ENTREP2: variants seen among roughly 807,000 people sequenced by gnomAD.
ENTREP2 encodes the protein protein ENTREP2.
chr15:29,508,331 C>T, the ENTREP2 span, among the ~76,000 whole-genome samples: 6 of 152,198 alleles, frequency 3.9e-5, no homozygotes, highest in African/African-American at 1.2e-4. Context: ...CAAAGAGGAG[C>T]TGGTACTGTT....
the ENTREP2 span, chr15:29,235,197 A>C: frequency 1.5e-6 from 1 of 647,510 alleles, no homozygotes; most frequent in Non-Finnish European, 2.8e-6. Flanking sequence ...AAGTGTCATA[A>C]AACAGATAGT....
the ENTREP2 span, among the ~76,000 whole-genome samples, chr15:29,174,416 C>T: frequency 3.3e-5 from 5 of 152,294 alleles, no homozygotes; most frequent in South Asian, 4.1e-4. Context: ...CGGCCAGGCA[C>T]GGTGGCTCAC....
At chr15:29,513,947 A>G in the ENTREP2 span, among the ~76,000 whole-genome samples, 4 of 152,224 alleles carry the variant, frequency 2.6e-5, no homozygotes, top group Non-Finnish European at 5.9e-5. Context: ...TCTACATTCT[A>G]GAGGGGAGAG....
the ENTREP2 span, chr15:29,235,184 T>G: frequency 3.0e-6 from 2 of 675,782 alleles, no homozygotes; most frequent in Middle Eastern, 4.0e-4. Flanking sequence ...CTGAATCTTT[T>G]CAAAGTGTCA....
At chr15:29,258,908 T>C in the ENTREP2 span, among the ~76,000 whole-genome samples, 3 of 152,226 alleles carry the variant, frequency 2.0e-5, no homozygotes, top group Non-Finnish European at 2.9e-5. Context: ...TATTGTAGCA[T>C]GTGTCAGAAT....
the ENTREP2 span, among the ~76,000 whole-genome samples, chr15:29,454,806 C>T: frequency 6.6e-6 from 1 of 152,198 alleles, no homozygotes; most frequent in Non-Finnish European, 1.5e-5. Flanking sequence ...ACCTGCAAAG[C>T]TGTGCCAAGA....
chr15:29,120,814 C>G, the ENTREP2 span: 2 of 152,292 alleles, frequency 1.3e-5, no homozygotes, highest in African/African-American at 4.8e-5. Flanking sequence ...GGGCTGTGAG[C>G]TGACGTGCAG....
At chr15:29,374,988 A>C in the ENTREP2 span, 1 of 152,064 alleles carries the variant, frequency 6.6e-6, no homozygotes, top group African/African-American at 2.4e-5. Flanking sequence ...TAATAACTGT[A>C]ATCTTTGATT....
the ENTREP2 span, among the ~76,000 whole-genome samples, chr15:29,489,178 A>C: frequency 1.3e-5 from 2 of 152,198 alleles, no homozygotes; most frequent in South Asian, 4.1e-4. Context: ...AAACTGATCA[A>C]AGTTCTGAAT....
At chr15:29,379,931 T>A in the ENTREP2 span, among the ~76,000 whole-genome samples, 4 of 151,988 alleles carry the variant, frequency 2.6e-5, no homozygotes, top group Non-Finnish European at 4.4e-5. Flanking sequence ...AGGAGGCAGC[T>A]GTCCCCATGT....
chr15:29,673,861 G>A, the ENTREP2 span, among the ~76,000 whole-genome samples: 1 of 151,814 alleles, frequency 6.6e-6, no homozygotes, highest in South Asian at 2.1e-4. Flanking sequence ...CTCTTTCACT[G>A]TCATAGTTGT....
the ENTREP2 span, among the ~76,000 whole-genome samples, chr15:29,497,052 T>G: frequency 6.6e-6 from 1 of 152,176 alleles, no homozygotes; most frequent in African/African-American, 2.4e-5. Flanking sequence ...GAGGGTTCCA[T>G]CCTTATCAAT....
the ENTREP2 span, among the ~76,000 whole-genome samples, chr15:29,277,256 C>T: frequency 6.6e-5 from 10 of 151,634 alleles, no homozygotes; most frequent in Admixed American, 3.9e-4. Flanking sequence ...AGGCAGGAAT[C>T]GCTTGAACCC....
chr15:29,271,231 T>C, the ENTREP2 span, among the ~76,000 whole-genome samples: 1 of 152,208 alleles, frequency 6.6e-6, no homozygotes, highest in African/African-American at 2.4e-5. Context: ...AAAACAAATA[T>C]ATTATCAAGG....
chr15:29,575,596 G>T, the ENTREP2 span, among the ~76,000 whole-genome samples: 1 of 152,134 alleles, frequency 6.6e-6, no homozygotes, highest in African/African-American at 2.4e-5. Context: ...GACATGATTT[G>T]ATATATAGAA....
chr15:29,344,335 C>T, the ENTREP2 span, among the ~76,000 whole-genome samples: 2 of 152,212 alleles, frequency 1.3e-5, no homozygotes, highest in Admixed American at 1.3e-4. Context: ...ATAACAAGAG[C>T]TTCATCCTGG....
At chr15:29,379,934 C>T in the ENTREP2 span, among the ~76,000 whole-genome samples, 8 of 151,986 alleles carry the variant, frequency 5.3e-5, no homozygotes, top group Non-Finnish European at 8.8e-5. Flanking sequence ...AGGCAGCTGT[C>T]CCCATGTCAC....
the ENTREP2 span, among the ~76,000 whole-genome samples, chr15:29,606,862 C>A: frequency 2.0e-5 from 3 of 151,938 alleles, no homozygotes; most frequent in African/African-American, 4.8e-5. Context: ...CAGGTTCTTG[C>A]TCTGTCACCC....
the ENTREP2 span, among the ~76,000 whole-genome samples, chr15:29,502,766 A>G: frequency 4.6e-5 from 7 of 152,200 alleles, no homozygotes; most frequent in African/African-American, 1.7e-4. Flanking sequence ...TAACTCAACT[A>G]GGAAAAGGGC....
Sources: allele counts gnomAD v4.1 joint callset (sites outside exome capture counted in the v4.1 genomes callset), GRCh38; gene constraint gnomAD v4.1.1; transcripts MANE v1.5; gene names NCBI Gene and HGNC (gene_info 2026-07-23, HGNC 2026-07-21).